The following SLC35F2 variants were observed in gnomAD, a reference collection of about 807,000 sequenced individuals.
The protein encoded by SLC35F2 is solute carrier family 35 member F2.
Under a neutral mutation model 38.1 loss-of-function variants are expected in SLC35F2, and 25 were observed. The observed-to-expected ratio is 0.66, with a 90% CI of 0.48 to 0.92. The LOEUF is 0.92. Among genes scored for constraint, SLC35F2 ranks in the 40% least tolerant of loss-of-function variants. The probability of loss-of-function intolerance (pLI) is 0.00; values close to 1 mark genes in which losing one functional copy is unlikely to be tolerated. For missense variants in SLC35F2, 409 were observed against 452.9 expected, an observed-to-expected ratio of 0.90 and a Z score of 0.88; for synonymous variants, 173 against 181.7, an observed-to-expected ratio of 0.95 and a Z score of 0.38.
At chr11:107,805,337 GA>G (rs752719340) in intron 5 of SLC35F2, 21 bp downstream of exon 5, 2 of 1,581,458 alleles carry the variant, frequency 1.3e-6, no homozygotes, top group South Asian at 2.4e-5. Flanking sequence ...TTTGTCTTTA[GA>G]AAAAAATTGT....
intron 6 of SLC35F2, among the ~76,000 whole-genome samples, 173 bp downstream of exon 6, chr11:107,804,545 T>C (rs1859364826): frequency 6.6e-6 from 1 of 152,204 alleles, no homozygotes; most frequent in African/African-American, 2.4e-5. Context: ...TTATGGAAGC[T>C]TATCTACCAA....
intron 1 of SLC35F2, among the ~76,000 whole-genome samples, chr11:107,844,706 G>C (rs1860075800): frequency 6.6e-6 from 1 of 151,762 alleles, no homozygotes; most frequent in African/African-American, 2.4e-5. Flanking sequence ...CGGGCGCGGT[G>C]GCTCACGCCT....
At chr11:107,792,929 CTTTTTA>C in intron 7 of SLC35F2, 129 bp from the exon 8 acceptor site, 1 of 795,712 alleles carries the variant, frequency 1.3e-6, no homozygotes, top group Non-Finnish European at 1.7e-6. Flanking sequence ...TTCTTTCTTT[CTTTTTA>C]AGACAGGGTC....
intron 6 of SLC35F2, chr11:107,803,431 C>T: frequency 1.0e-6 from 1 of 985,014 alleles, no homozygotes; most frequent in South Asian, 4.7e-5. Context: ...CAGTCCATTG[C>T]TCTTAATCAC....
chr11:107,815,367 T>G lies in SLC35F2; in HGVS notation c.286+423A>C, dbSNP rs181532361. 1.0e-4 allele frequency among the ~76,000 whole-genome samples: 15 copies of G among 143,234 alleles called. 1 individual carries two copies. In the Admixed American group the frequency reaches 1.1e-3, roughly 10 times the overall value. The allele number at this position is 143,234 out of a possible 152,430, so 94.0% of individuals were successfully genotyped here. ...GAGTTAGAGACCAGCCAGCGCAACA[T>G]GGCAAAAACCCATCTCTAAAATAAA... is the stretch of plus-strand genomic sequence containing the variant. On this transcript the variant is annotated intron_variant, in intron 2 of 7. Coordinates refer to ENST00000525815, the MANE Select transcript of SLC35F2 (RefSeq NM_017515.5).
At chr11:107,858,258 A>G (rs1860328089) in intron 1 of SLC35F2, among the ~76,000 whole-genome samples, 1 of 152,184 alleles carries the variant, frequency 6.6e-6, no homozygotes, top group African/African-American at 2.4e-5. Flanking sequence ...AGCAGATGGA[A>G]TGAGGGCGCC....
At chr11:107,839,789 G>T (rs892232602) in intron 1 of SLC35F2, among the ~76,000 whole-genome samples, 1 of 152,092 alleles carries the variant, frequency 6.6e-6, no homozygotes, top group Non-Finnish European at 1.5e-5. Flanking sequence ...AAGTAGCTGG[G>T]ATTACAGGCA....
Position 107,815,833 on chromosome 11 carries a change from G to A in SLC35F2, c.243C>T (p.Cys81=), listed in dbSNP as rs1170912279. Residue 81 remains cysteine (C), a synonymous_variant, in exon 2 of 8, where the codon TGC becomes TGT. Transcript: ENST00000525815. Reference sequence around the variant, plus strand: ...TCACTGTATAAATTAGGAACAGCAAGCAATAATTGATAAAGCTCTGAAGCA... The same window carrying A: ...TCACTGTATAAATTAGGAACAGCAAACAATAATTGATAAAGCTCTGAAGCA... ...TPMLQSFINY[C]LLFLIYTVML... 2 of 1,613,616 alleles carry A rather than the reference G, an allele frequency of 1.2e-6. No individual in the cohort carries two copies. Among genetic ancestry groups the A allele is most frequent in the East Asian group, 4.5e-5 (2 of 44,852 alleles).
intron 6 of SLC35F2, chr11:107,803,529 C>T (rs1333906399): frequency 1.0e-6 from 1 of 983,538 alleles, no homozygotes; most frequent in African/African-American, 1.8e-5. Context: ...AGAAAAATCA[C>T]TCATTATGTT....
chr11:107,830,248 T>C (rs577205393), intron 1 of SLC35F2, among the ~76,000 whole-genome samples: 25 of 152,334 alleles, frequency 1.6e-4, no homozygotes, highest in African/African-American at 5.5e-4. Flanking sequence ...TGGTTTCCAT[T>C]ATAATTTTTA....
intron 6 of SLC35F2, chr11:107,803,627 C>T: frequency 4.4e-6 from 2 of 459,262 alleles, no homozygotes; most frequent in Non-Finnish European, 5.7e-6. Context: ...GTTATTAGGT[C>T]CATTGTATTT....
At chr11:107,829,681 A>G (rs1238036832) in intron 1 of SLC35F2, among the ~76,000 whole-genome samples, 1 of 151,428 alleles carries the variant, frequency 6.6e-6, no homozygotes, top group East Asian at 1.9e-4. Flanking sequence ...ATCTCACAAA[A>G]AAAAAAAAAA....
At chr11:107,842,287 T>TAAAAAAAAAAAAAAAAAAAAAAAAA (rs1292690214) in intron 1 of SLC35F2, among the ~76,000 whole-genome samples, 3 of 71,256 alleles carry the variant, frequency 4.2e-5, no homozygotes, top group East Asian at 4.5e-4. Flanking sequence ...AAAAAAAAAT[T>TAAAAAAAAAAAAAAAAAAAAAAAAA]AAAGCTTGAC....
chr11:107,814,187 A>T (rs1271252056), intron 2 of SLC35F2, among the ~76,000 whole-genome samples: 2 of 152,192 alleles, frequency 1.3e-5, no homozygotes, highest in East Asian at 3.8e-4. Context: ...GTTTTAAAAA[A>T]TAATGAAGCT....
chr11:107,853,715 G>A (rs867543791), intron 1 of SLC35F2, among the ~76,000 whole-genome samples: 1,011 of 89,978 alleles, frequency 0.011, 8 homozygotes, highest in African/African-American at 0.04. Context: ...GCGAGACTCC[G>A]TCTCAAAAAA....
intron 1 of SLC35F2, among the ~76,000 whole-genome samples, chr11:107,849,399 G>A (rs1354582372): frequency 6.6e-6 from 1 of 152,114 alleles, no homozygotes; most frequent in Non-Finnish European, 1.5e-5. Context: ...AGCACTTTGG[G>A]AGGCCGAGGT....
chr11:107,813,629 C>T (rs929845086), intron 2 of SLC35F2, among the ~76,000 whole-genome samples: 18 of 152,136 alleles, frequency 1.2e-4, no homozygotes, highest in African/African-American at 3.9e-4. Flanking sequence ...AGAGCAAAGT[C>T]CAGGGTTATT....
intron 1 of SLC35F2, among the ~76,000 whole-genome samples, chr11:107,844,127 T>C (rs1860064839): frequency 6.6e-6 from 1 of 151,960 alleles, no homozygotes; most frequent in Admixed American, 6.6e-5. Flanking sequence ...GTTTTTTGTT[T>C]GTTGCCCTAT....
chr11:107,798,202 C>A (rs544382168), intron 7 of SLC35F2, among the ~76,000 whole-genome samples: 171 of 152,170 alleles, frequency 1.1e-3, no homozygotes, highest in Middle Eastern at 3.4e-3. Context: ...TGGGGTTTCA[C>A]CATGTTGGCC....
Sources: gnomAD v4.1 joint callset for allele counts (sites outside exome capture counted in the v4.1 genomes callset) on GRCh38, gnomAD v4.1.1 for gene constraint, MANE v1.5 for transcripts, NCBI Gene and HGNC (gene_info 2026-07-23, HGNC 2026-07-21) for gene names.